DCAF8L2: variants seen among roughly 807,000 people sequenced by gnomAD.
DCAF8L2 encodes the protein DDB1 and CUL4 associated factor 8 like 2, also known as DDB1- and CUL4-associated factor 8-like protein 2.
For synonymous variants in DCAF8L2, 200 were observed against 190.9 expected (o/e 1.05, Z -0.39); for missense variants, 430 against 490.7 (o/e 0.88, Z 1.17).
At chrX:27,637,703 A>T (rs1928557066) in intron 2 of DCAF8L2, among the ~76,000 whole-genome samples, 1 of 112,518 alleles carries the variant, frequency 8.9e-6, no homozygotes, top group South Asian at 3.6e-4. Flanking sequence ...AATGAAATAA[A>T]ATCATTTATG....
chrX:27,526,108 T>C, the DCAF8L2 span, among the ~76,000 whole-genome samples: 1 of 112,145 alleles, frequency 8.9e-6, no homozygotes, highest in Non-Finnish European at 1.9e-5. Flanking sequence ...CTGGATAATA[T>C]CCTGCAGAGT....
the DCAF8L2 span, among the ~76,000 whole-genome samples, chrX:27,471,097 C>T: frequency 9.0e-6 from 1 of 111,311 alleles, no homozygotes; most frequent in African/African-American, 3.3e-5. Flanking sequence ...AGAATGACTA[C>T]CAGAAATAAT....
At chrX:27,744,954 T>G (rs1198957633) in intron 4 of DCAF8L2, among the ~76,000 whole-genome samples, 2 of 111,971 alleles carry the variant, frequency 1.8e-5, no homozygotes, top group African/African-American at 3.2e-5. Flanking sequence ...CTTTTTAACT[T>G]ACCCAGCCTC....
chrX:27,482,857 A>G, the DCAF8L2 span, among the ~76,000 whole-genome samples: 1 of 111,549 alleles, frequency 9.0e-6, no homozygotes, highest in South Asian at 3.7e-4. Context: ...TGTTATTTTG[A>G]GATTACCACT....
the DCAF8L2 span, among the ~76,000 whole-genome samples, chrX:27,469,457 TC>T: frequency 8.9e-6 from 1 of 111,832 alleles, no homozygotes; most frequent in African/African-American, 3.2e-5. Context: ...CATCTTCATT[TC>T]TTCAGTACAG....
the DCAF8L2 span, among the ~76,000 whole-genome samples, chrX:27,510,586 T>A: frequency 9.2e-6 from 1 of 108,963 alleles, no homozygotes; most frequent in Non-Finnish European, 1.9e-5. Flanking sequence ...TAGCCAAATT[T>A]CTTTTTTGAA....
At chrX:27,524,919 T>TTACATTTGCTA in the DCAF8L2 span, among the ~76,000 whole-genome samples, 1 of 112,281 alleles carries the variant, frequency 8.9e-6, no homozygotes, top group Non-Finnish European at 1.9e-5. Flanking sequence ...TTCTGTTCTT[T>TTACATTTGCTA]TACATTTGCT....
the DCAF8L2 span, among the ~76,000 whole-genome samples, chrX:27,566,460 G>A: frequency 9.1e-6 from 1 of 110,210 alleles, no homozygotes; most frequent in Non-Finnish European, 1.9e-5. Context: ...TCTTGATTCA[G>A]TTTTAGTAAG....
At chrX:27,655,317 A>G (rs959124607) in intron 2 of DCAF8L2, among the ~76,000 whole-genome samples, 3 of 112,371 alleles carry the variant, frequency 2.7e-5, no homozygotes, top group Non-Finnish European at 3.8e-5. Context: ...AAATTATTAA[A>G]TGGTTTTAGC....
chrX:27,543,089 G>A, the DCAF8L2 span, among the ~76,000 whole-genome samples: 1 of 111,915 alleles, frequency 8.9e-6, no homozygotes, highest in East Asian at 2.8e-4. Context: ...GTGTTTCTTA[G>A]GTTTTCTTCT....
chrX:27,713,407 G>T (rs1285407824), intron 3 of DCAF8L2, among the ~76,000 whole-genome samples: 1 of 111,368 alleles, frequency 9.0e-6, no homozygotes, highest in Non-Finnish European at 1.9e-5. Context: ...CCTTAAAAGA[G>T]CAGTGTGTAT....
chrX:27,487,512 A>T, the DCAF8L2 span, among the ~76,000 whole-genome samples: 3 of 111,593 alleles, frequency 2.7e-5, no homozygotes, highest in Non-Finnish European at 5.6e-5. Context: ...TGAACTCCTG[A>T]CCTAAAGTGG....
the DCAF8L2 span, among the ~76,000 whole-genome samples, chrX:27,513,268 C>T: frequency 5.3e-5 from 6 of 112,271 alleles, no homozygotes; most frequent in African/African-American, 1.9e-4. Context: ...TAAAAAGCAT[C>T]TTCAGAGCAA....
chrX:27,726,697 T>C (rs2147308240), intron 4 of DCAF8L2, among the ~76,000 whole-genome samples: 1 of 111,839 alleles, frequency 8.9e-6, no homozygotes, highest in African/African-American at 3.2e-5. Flanking sequence ...ATCTGGCTTC[T>C]TTTGCTCTAT....
intron 3 of DCAF8L2, among the ~76,000 whole-genome samples, chrX:27,706,410 T>G (rs1422140676): frequency 9.0e-6 from 1 of 111,197 alleles, no homozygotes; most frequent in East Asian, 2.8e-4. Flanking sequence ...TGGGGCAGTA[T>G]GGCTATTTTA....
At chrX:27,567,983 C>T in the DCAF8L2 span, among the ~76,000 whole-genome samples, 1 of 110,052 alleles carries the variant, frequency 9.1e-6, no homozygotes, top group Non-Finnish European at 1.9e-5. Context: ...TTTTTTTTAT[C>T]AACAACAAAA....
chrX:27,619,688 T>C (rs937365160), intron 1 of DCAF8L2, among the ~76,000 whole-genome samples: 3 of 111,762 alleles, frequency 2.7e-5, no homozygotes, highest in African/African-American at 9.7e-5. Flanking sequence ...GCTGCTTCCT[T>C]TCCACCTTCC....
the DCAF8L2 span, among the ~76,000 whole-genome samples, chrX:27,474,772 G>A: frequency 9.0e-6 from 1 of 111,650 alleles, no homozygotes; most frequent in Non-Finnish European, 1.9e-5. Flanking sequence ...TCAATGGTTA[G>A]GTATTAAATG....
chrX:27,491,820 T>C, the DCAF8L2 span, among the ~76,000 whole-genome samples: 1 of 112,022 alleles, frequency 8.9e-6, no homozygotes, highest in South Asian at 3.7e-4. Flanking sequence ...CTTCTCTTCT[T>C]TTTCATGTCA....
Sources: allele counts gnomAD v4.1 joint callset (sites outside exome capture counted in the v4.1 genomes callset), GRCh38; gene constraint gnomAD v4.1.1; transcripts MANE v1.5; gene names NCBI Gene and HGNC (gene_info 2026-07-23, HGNC 2026-07-21).